The following RERE variants were observed in gnomAD, a reference collection of about 807,000 sequenced individuals.
RERE encodes arginine-glutamic acid dipeptide repeats.
RERE carries 40 observed loss-of-function variants against 146.1 expected under a neutral mutation model. That is an observed-to-expected ratio of 0.27 (90% CI 0.21 to 0.36). RERE has a LOEUF of 0.36. RERE is among the 10% of genes least tolerant of loss of function. The pLI, the probability that RERE is intolerant of heterozygous loss-of-function variation, is 1.00. For missense variants in RERE, 1,933 were observed against 2,138.7 expected, an observed-to-expected ratio of 0.90 and a Z score of 1.90; for synonymous variants, 1,003 against 866.0, an observed-to-expected ratio of 1.16 and a Z score of -2.78.
intron 5 of RERE, 93 bp from the exon 6 acceptor site, chr1:8,556,664 A>G: frequency 1.3e-6 from 1 of 760,748 alleles, no homozygotes; most frequent in Non-Finnish European, 2.3e-6. Flanking sequence ...TTTACCACCC[A>G]CTAAATAACC....
intron 4 of RERE, among the ~76,000 whole-genome samples, chr1:8,580,656 C>T (rs149556633): frequency 2.0e-5 from 3 of 152,272 alleles, no homozygotes; most frequent in African/African-American, 7.2e-5. Context: ...AAAGTTCTCT[C>T]AAGCACTTTC....
chr1:8,623,207 G>A (rs1401528154), intron 3 of RERE, among the ~76,000 whole-genome samples: 1 of 152,178 alleles, frequency 6.6e-6, no homozygotes, highest in Non-Finnish European at 1.5e-5. Context: ...AGCACTTTGG[G>A]AGGCCAAAGC....
chr1:8,527,444 A>G (rs1645583351), intron 7 of RERE, among the ~76,000 whole-genome samples: 1 of 152,230 alleles, frequency 6.6e-6, no homozygotes, highest in Non-Finnish European at 1.5e-5. Context: ...ATATATTAAA[A>G]AAAAACAAAC....
At chr1:8,697,334 A>G (rs1639353118) in intron 1 of RERE, among the ~76,000 whole-genome samples, 1 of 152,170 alleles carries the variant, frequency 6.6e-6, no homozygotes, top group African/African-American at 2.4e-5. Context: ...TGTATAATTT[A>G]ATCAATTAAT....
chr1:8,549,307 A>T (rs772011458), intron 6 of RERE, among the ~76,000 whole-genome samples: 45 of 152,246 alleles, frequency 3.0e-4, no homozygotes, highest in Non-Finnish European at 6.0e-4. Flanking sequence ...GCTCAAAAAA[A>T]TACAGAAGTT....
At chr1:8,482,151 C>T (rs1000704194) in intron 10 of RERE, among the ~76,000 whole-genome samples, 1 of 151,932 alleles carries the variant, frequency 6.6e-6, no homozygotes, top group Admixed American at 6.6e-5. Flanking sequence ...TCTATAGAGA[C>T]AAAAAGCAGA....
chr1:8,362,373 A>G (rs1306959281), intron 16 of RERE, among the ~76,000 whole-genome samples: 1 of 152,148 alleles, frequency 6.6e-6, no homozygotes, highest in Non-Finnish European at 1.5e-5. Context: ...TCTGGAGCCA[A>G]TCTCTAATGG....
chr1:8,646,436 G>A (rs1557454543), intron 2 of RERE, among the ~76,000 whole-genome samples: 1 of 151,956 alleles, frequency 6.6e-6, no homozygotes, highest in Non-Finnish European at 1.5e-5. Context: ...AGAGGCTGAG[G>A]CAGGAGGACC....
At chr1:8,655,880 C>A in intron 2 of RERE, 93 bp downstream of exon 2, 1 of 1,521,152 alleles carries the variant, frequency 6.6e-7, no homozygotes, top group Non-Finnish European at 8.8e-7. Flanking sequence ...CCAAGCCTTC[C>A]TTAAAGTGTA....
chr1:8,428,912 T>G (rs1394424134), intron 11 of RERE, among the ~76,000 whole-genome samples: 1 of 152,162 alleles, frequency 6.6e-6, no homozygotes, highest in Non-Finnish European at 1.5e-5. Context: ...GCCTTGTGCC[T>G]CAGCCTCACT....
chr1:8,675,605 C>T (rs6577517), intron 1 of RERE, among the ~76,000 whole-genome samples: 88,532 of 151,688 alleles, frequency 0.58, 26,388 homozygotes, highest in East Asian at 0.83. Context: ...CACCTGTAAT[C>T]CCAGCTACTT....
intron 9 of RERE, among the ~76,000 whole-genome samples, chr1:8,496,321 AT>A (rs1645045259): frequency 6.6e-6 from 1 of 151,904 alleles, no homozygotes; most frequent in Non-Finnish European, 1.5e-5. Flanking sequence ...CAAAAACAAA[AT>A]TAAAAATAGC....
chr1:8,448,562 G>T (rs1181423797), intron 11 of RERE, among the ~76,000 whole-genome samples: 2 of 152,152 alleles, frequency 1.3e-5, no homozygotes, highest in East Asian at 1.9e-4. Flanking sequence ...TTGGAGACCA[G>T]CCTGGCCAAC....
intron 12 of RERE, among the ~76,000 whole-genome samples, chr1:8,410,633 G>A (rs1040441727): frequency 1.3e-5 from 2 of 152,176 alleles, no homozygotes; most frequent in African/African-American, 4.8e-5. Flanking sequence ...TACCTCAACA[G>A]ACAAGAAAGC....
At chr1:8,431,502 G>GTAA (rs1284053485) in intron 11 of RERE, among the ~76,000 whole-genome samples, 1 of 152,066 alleles carries the variant, frequency 6.6e-6, no homozygotes, top group Non-Finnish European at 1.5e-5. Context: ...ATATTACAAT[G>GTAA]TAATAATAAT....
chr1:8,385,993 A>AAAAATATAT (rs1553159741), intron 12 of RERE, among the ~76,000 whole-genome samples: 1 of 26,486 alleles, frequency 3.8e-5, no homozygotes, highest in Non-Finnish European at 7.1e-5. Context: ...AAAAAAAAAA[A>AAAAATATAT]ATATATATAT....
At chr1:8,663,864 A>G (rs1421719641) in intron 1 of RERE, among the ~76,000 whole-genome samples, 2 of 151,548 alleles carry the variant, frequency 1.3e-5, no homozygotes, top group East Asian at 1.9e-4. Context: ...CTAGAACCCA[A>G]CTGCTGGGAA....
intron 1 of RERE, among the ~76,000 whole-genome samples, chr1:8,805,121 C>T (rs1641664830): frequency 6.6e-6 from 1 of 150,692 alleles, no homozygotes; most frequent in South Asian, 2.1e-4. Context: ...AGCGATTGTC[C>T]CGGATCCCGA....
At chr1:8,643,433 T>C (rs1056056918) in intron 2 of RERE, among the ~76,000 whole-genome samples, 10 of 152,150 alleles carry the variant, frequency 6.6e-5, no homozygotes, top group African/African-American at 2.2e-4. Flanking sequence ...TATAACACAA[T>C]ATATGTTACT....
Sources: gnomAD v4.1 joint callset for allele counts (sites outside exome capture counted in the v4.1 genomes callset) on GRCh38, gnomAD v4.1.1 for gene constraint, MANE v1.5 for transcripts, NCBI Gene and HGNC (gene_info 2026-07-23, HGNC 2026-07-21) for gene names.